The following MMP27 variants were observed in gnomAD, a reference collection of about 807,000 sequenced individuals.
The protein encoded by MMP27 is matrix metalloproteinase-27.
MMP27 carries 51 observed loss-of-function variants against 48.1 expected under a neutral mutation model. The observed-to-expected ratio is 1.06, with a 90% CI of 0.85 to 1.34. The LOEUF (loss-of-function observed/expected upper bound fraction) is 1.34, where lower values mean the gene tolerates loss of function less well. MMP27 is among the 40% of genes most tolerant of loss of function. MMP27 has a pLI of 0.00. For missense variants in MMP27, 698 were observed against 619.3 expected (o/e 1.13, Z -1.35); for synonymous variants, 229 against 208.9 (o/e 1.10, Z -0.83).
rs1861008731 is a variant in MMP27, at chr11:102,704,568, G to A, written c.310C>T (p.Pro104Ser). 6.2e-7 allele frequency: 1 copy of A among 1,613,974 alleles called. No individual in the cohort carries two copies. The highest frequency in any genetic ancestry group is 8.5e-7 in the Non-Finnish European group (1 of 1,179,860). Residue 104 changes from proline to serine, a missense_variant, in exon 2 of 10, where the codon CCT becomes TCT. Physicochemically the swap from Pro to Ser is moderately conservative, Grantham distance 74. Coordinates refer to ENST00000260229, the MANE Select transcript of MMP27 (RefSeq NM_022122.3). ...GTGAGGTTGTATTTTCTCCACCCAG[G>A]GAGGGTGTAGCCATACTGGCCCACA... ...PDVGQYGYTL[P>S]GWRKYNLTYR...
intron 2 of MMP27, among the ~76,000 whole-genome samples, chr11:102,703,487 C>T (rs1459752906): frequency 6.6e-6 from 1 of 151,856 alleles, no homozygotes; most frequent in African/African-American, 2.4e-5. Context: ...TTTTGAATGG[C>T]TTGTAGAAAT....
chr11:102,703,183 AC>A, intron 2 of MMP27, 65 bp from the exon 3 acceptor site: 3 of 1,435,664 alleles, frequency 2.1e-6, no homozygotes, highest in Non-Finnish European at 2.8e-6. Flanking sequence ...ACACATAACT[AC>A]AAAAAACATT....
intron 6 of MMP27, among the ~76,000 whole-genome samples, chr11:102,695,981 C>T (rs1399594976): frequency 6.6e-6 from 1 of 152,092 alleles, no homozygotes; most frequent in Non-Finnish European, 1.5e-5. Flanking sequence ...AATACTCCAA[C>T]CATGGCCAAT....
At position 102,694,001 on chromosome 11, in the gene MMP27, T is replaced by C. The variant is rs201027842; in HGVS notation, c.1098A>G (p.Thr366=). The change falls in exon 8 of 10, where the codon ACA becomes ACG. Residue 366 remains threonine (T), a synonymous_variant. Transcript: ENST00000260229. ...TCTTCACACGTCCTGGAAAACCTAA[T>C]GTATGGATGGATTTGGGATAATCTG... is the stretch of plus-strand genomic sequence containing the variant. ...VLPDYPKSIH[T]LGFPGRVKKI... is the part of the protein sequence containing the mutation. 1.7e-5 allele frequency: 28 copies of C among 1,610,398 alleles called. No homozygotes were observed. Among genetic ancestry groups the C allele is most frequent in the African/African-American group, 2.7e-5 (2 of 74,784 alleles).
At chr11:102,701,723 C>T (rs1215111901) in intron 4 of MMP27, among the ~76,000 whole-genome samples, 2 of 152,200 alleles carry the variant, frequency 1.3e-5, no homozygotes, top group East Asian at 3.8e-4. Context: ...CTGCCTGAAC[C>T]TCAGCCAGTA....
intron 9 of MMP27, among the ~76,000 whole-genome samples, 189 bp downstream of exon 9, chr11:102,692,749 A>T (rs1164479608): frequency 1.3e-5 from 2 of 152,208 alleles, no homozygotes; most frequent in Admixed American, 1.3e-4. Flanking sequence ...AGATAGTATA[A>T]CAGAGAGTAT....
intron 2 of MMP27, among the ~76,000 whole-genome samples, chr11:102,703,796 T>C (rs1292981588): frequency 1.3e-5 from 2 of 152,224 alleles, no homozygotes; most frequent in Non-Finnish European, 2.9e-5. Flanking sequence ...AGTGCTGGGA[T>C]TACAGGCATG....
rs776762241 is a variant in MMP27 at position 102,696,391 on chromosome 11, T to C, written c.882A>G (p.Glu294=). ...TTTACCTGCCTTTAAAGAACATTAC[T>C]TCTCTGCGGAAAGTTGTGATAGCGT... ...TFDAITTFRR[E]VMFFKGRHLW... is the part of the protein sequence containing the mutation. The change falls in exon 6 of 10, where the codon GAA becomes GAG. Residue 294 remains glutamate (E), a synonymous_variant. Coordinates refer to ENST00000260229, the MANE Select transcript of MMP27 (RefSeq NM_022122.3). 2.7e-5 allele frequency: 44 copies of C among 1,613,686 alleles called. No homozygotes were observed. The highest frequency in any genetic ancestry group is 3.6e-5 in the Non-Finnish European group (42 of 1,179,786).
rs764343388 is a variant in MMP27, at chr11:102,696,385, C to CA, written c.887dup (p.Met296IlefsTer4). On this transcript the variant is annotated frameshift_variant, in exon 6 of 10. Transcript: ENST00000260229. LOFTEE classifies it high-confidence loss of function. The stretch of plus-strand genomic sequence containing the variant: ...AATGAGTTTACCTGCCTTTAAAGAA[C>CA]ATTACTTCTCTGCGGAAAGTTGTGA... The CA allele has an allele frequency of 6.2e-7, 1 of 1,613,688 alleles. No homozygotes were observed. The highest frequency in any genetic ancestry group is 8.5e-7 in the Non-Finnish European group (1 of 1,179,746).
At position 102,693,984 on chromosome 11, in the gene MMP27, C is replaced by T. The variant is rs1860774154; in HGVS notation, c.1115G>A (p.Arg372His). ...GACGGCTGCATCTATTTTCTTCACA[C>T]GTCCTGGAAAACCTAATGTATGGAT... ...KSIHTLGFPG[R>H]VKKIDAAVCD... Residue 372 changes from arginine to histidine, a missense_variant, in exon 8 of 10, where the codon CGT (arginine) becomes CAT (histidine). Physicochemically the swap from Arg to His is conservative, Grantham distance 29. Coordinates refer to ENST00000260229, the MANE Select transcript of MMP27 (RefSeq NM_022122.3). 9.9e-6 allele frequency: 16 copies of T among 1,611,452 alleles called. No individual in the cohort carries two copies. Among genetic ancestry groups the T allele is most frequent in the Admixed American group, 1.7e-5 (1 of 59,700 alleles).
Position 102,698,633 on chromosome 11 carries a change from A to C in MMP27, c.620-1798T>G, listed in dbSNP as rs1339582965. 5.3e-5 allele frequency among the ~76,000 whole-genome samples: 8 copies of C among 152,168 alleles called. No homozygotes were observed. The South Asian group carries it at 1.7e-3, about 32-fold the overall frequency. On this transcript the variant is annotated intron_variant, in intron 4 of 9. Transcript: ENST00000260229. ...CATGGTCTAGTCCCTGCCTATTTTC[A>C]GCCTTATATTTTATTTTCATATTCT... is the stretch of plus-strand genomic sequence containing the variant.
Position 102,694,036 on chromosome 11 carries a change from C to T in MMP27, c.1063G>A (p.Ala355Thr), listed in dbSNP as rs150764969. The T allele has an allele frequency of 1.3e-6, 2 of 1,599,680 alleles. No homozygotes were observed. The highest frequency in any genetic ancestry group is 2.3e-5 in the East Asian group (1 of 43,962). The change falls in exon 8 of 10, where the codon GCT becomes ACT. Residue 355 changes from alanine (A) to threonine (T), a missense_variant. Transcript: ENST00000260229. ...GATTTGGGATAATCTGGCAAGACAG[C>T]ATATCCTCTGATCATCCAGAAGTTT... Reference protein sequence around the residue: ...DENFWMIRGYAVLPDYPKSIH... With the variant: ...DENFWMIRGYTVLPDYPKSIH...
At chr11:102,697,317 C>A (rs776257505) in intron 4 of MMP27, among the ~76,000 whole-genome samples, 6 of 152,146 alleles carry the variant, frequency 3.9e-5, no homozygotes, top group Admixed American at 2.0e-4. Context: ...AGGACACTTA[C>A]CATGAATGGA....
Position 102,697,213 on chromosome 11 carries a change from G to A in MMP27, c.620-378C>T, listed in dbSNP as rs567035531. On this transcript the variant is annotated intron_variant, in intron 4 of 9. Transcript: ENST00000260229. ...GCACAATGGTAAGCAATTATTTAGC[G>A]CAATGGTAAGCATTTGTCTATCTAA... 2.9e-3 allele frequency among the ~76,000 whole-genome samples: 442 copies of A among 152,272 alleles called. 2 individuals carry two copies. Among genetic ancestry groups the A allele is most frequent in the Middle Eastern group, 6.8e-3 (2 of 294 alleles).
Position 102,704,792 on chromosome 11 carries a change from G to C in MMP27, c.103-17C>G. 8 of 1,119,640 alleles carry C rather than the reference G, an allele frequency of 7.1e-6. No individual in the cohort carries two copies. Among genetic ancestry groups the C allele is most frequent in the South Asian group, 1.7e-5 (1 of 59,252 alleles). 69.4% of individuals were successfully genotyped at this position (1,119,640 alleles called of 1,614,324 possible). A position where few individuals can be genotyped will look rare whatever the true frequency, so the allele number is the denominator to read the frequency against. ...GAGATATGCCTGACCAAAAAGATAAGAAAAAAAAAAAAGAGGCACAGACTA... is the reference window on the plus strand; with the variant it reads ...GAGATATGCCTGACCAAAAAGATAACAAAAAAAAAAAAGAGGCACAGACTA... On this transcript the variant is annotated splice_polypyrimidine_tract_variant and intron_variant, in intron 1 of 9. Transcript: ENST00000260229.
At chr11:102,702,690 G>A (rs1463915085) in intron 4 of MMP27, 63 bp downstream of exon 4, 4 of 1,521,034 alleles carry the variant, frequency 2.6e-6, no homozygotes, top group African/African-American at 1.4e-5. Flanking sequence ...TAGTTACAAA[G>A]CTATTCTTTT....
chr11:102,705,581 A>G (rs755798614), intron 1 of MMP27, 32 bp downstream of exon 1: 3 of 1,302,612 alleles, frequency 2.3e-6, no homozygotes, highest in African/African-American at 3.1e-5. Flanking sequence ...CTTTTTATCA[A>G]TAGTCATCGA....
Position 102,693,807 on chromosome 11 carries a change from AT to A in MMP27, c.1193+98del, listed in dbSNP as rs567667256. 1.9e-4 allele frequency: 204 copies of A among 1,067,436 alleles called. No homozygotes were observed. The African/African-American group carries it at 3.0e-3, about 16-fold the overall frequency. 66.1% of individuals were successfully genotyped at this position (1,067,436 alleles called of 1,614,324 possible). On this transcript the variant is annotated intron_variant, in intron 8 of 9. Transcript: ENST00000260229. The stretch of plus-strand genomic sequence containing the variant: ...CTCAAAAAAAATAAAAAAATAAAAA[AT>A]ATTATGGATTCATTTTAATTTTGTC...
chr11:102,701,161 A>G (rs2846365), intron 4 of MMP27, among the ~76,000 whole-genome samples: 81,201 of 151,952 alleles, frequency 0.53, 21,910 homozygotes, highest in Middle Eastern at 0.59. Context: ...ACTCTGAGGG[A>G]CTGAAATAAA....
Sources: gnomAD v4.1 joint callset for allele counts (sites outside exome capture counted in the v4.1 genomes callset) on GRCh38, gnomAD v4.1.1 for gene constraint, MANE v1.5 for transcripts, NCBI Gene and HGNC (gene_info 2026-07-23, HGNC 2026-07-21) for gene names.